PPP4C: variants seen among roughly 807,000 people sequenced by gnomAD.
The protein encoded by PPP4C is serine/threonine-protein phosphatase 4 catalytic subunit.
Under a neutral mutation model 40.5 loss-of-function variants are expected in PPP4C, and 10 were observed. That is an observed-to-expected ratio of 0.25 (90% CI 0.15 to 0.42). The LOEUF (loss-of-function observed/expected upper bound fraction) is 0.42, where lower values mean the gene tolerates loss of function less well. Ranked by LOEUF, PPP4C falls within the 10% of genes least tolerant of loss-of-function variation. The pLI, the probability that PPP4C is intolerant of heterozygous loss-of-function variation, is 1.00. For missense variants in PPP4C, 191 were observed against 416.4 expected, an observed-to-expected ratio of 0.46 and a Z score of 4.71; for synonymous variants, 187 against 163.6, an observed-to-expected ratio of 1.14 and a Z score of -1.09.
rs766913799 is a variant in PPP4C at position 30,084,924 on chromosome 16, G to A, written c.795-9G>A. ...GAGCTGCTCCTGACCCTGCTGCCCC[G>A]CCTTCCAGCTGTGGGAATGTGGCAG... On this transcript the variant is annotated splice_polypyrimidine_tract_variant and intron_variant, in intron 8 of 8. Transcript: ENST00000279387. The A allele has an allele frequency of 9.3e-6, 15 of 1,613,944 alleles. No individual in the cohort carries two copies. Among genetic ancestry groups the A allele is most frequent in the South Asian group, 3.3e-5 (3 of 91,088 alleles).
At chr16:30,082,697 G>A (rs192142202) in intron 4 of PPP4C, 49 bp from the exon 5 acceptor site, 2 of 1,564,724 alleles carry the variant, frequency 1.3e-6, no homozygotes, top group South Asian at 1.1e-5. Flanking sequence ...AAACAGGTAG[G>A]GGGTAGGGGA....
intron 2 of PPP4C, among the ~76,000 whole-genome samples, chr16:30,079,528 C>T (rs2072465102): frequency 6.6e-6 from 1 of 152,118 alleles, no homozygotes; most frequent in African/African-American, 2.4e-5. Context: ...CTGAAGAGAA[C>T]CTCCCCAGTC....
rs756785326 is a variant in PPP4C at position 30,083,325 on chromosome 16, G to A, written c.304-69G>A. 18 of 1,528,342 alleles carry A rather than the reference G, an allele frequency of 1.2e-5. No individual in the cohort carries two copies. Among genetic ancestry groups the A allele is most frequent in the South Asian group, 3.6e-5 (3 of 83,686 alleles). 94.7% of individuals were successfully genotyped at this position (1,528,342 alleles called of 1,614,324 possible). On this transcript the variant is annotated intron_variant, in intron 5 of 8. Transcript: ENST00000279387. This position sits in a 1 kb window ranked among gnomAD's most constrained non-coding sequence, Gnocchi z 6.3. ...GTGAGGATGGCAGGCTGGCGGGCAC[G>A]AGGAGGTCAGAGAGGGATGTGTGGA...
chr16:30,085,066 C>G lies in PPP4C; in HGVS notation c.*4C>G, dbSNP rs768422034. 2 of 1,613,314 alleles carry G rather than the reference C, an allele frequency of 1.2e-6. No individual in the cohort carries two copies. Among genetic ancestry groups the G allele is most frequent in the South Asian group, 2.2e-5 (2 of 91,008 alleles). ...CGTGGCCGACTACTTCCTGTGACCCCGCCCGGCCCCTGCCCCCTCCAACCC... is the reference window on the plus strand; with the variant it reads ...CGTGGCCGACTACTTCCTGTGACCCGGCCCGGCCCCTGCCCCCTCCAACCC... On this transcript the variant is annotated 3_prime_UTR_variant, in exon 9 of 9. Transcript: ENST00000279387.
intron 3 of PPP4C, 89 bp downstream of exon 3, chr16:30,081,399 C>T (rs1227510419): frequency 9.3e-7 from 1 of 1,079,600 alleles, no homozygotes; most frequent in Non-Finnish European, 1.4e-6. Context: ...TAAGCCCAAC[C>T]CTAAGCTCTT....
Position 30,083,006 on chromosome 16 carries a change from T to C in PPP4C, c.303+159T>C. The C allele has an allele frequency of 3.0e-6, 2 of 666,254 alleles. No homozygotes were observed. The highest frequency in any genetic ancestry group is 5.1e-6 in the Non-Finnish European group (2 of 394,276). 41.3% of individuals were successfully genotyped at this position (666,254 alleles called of 1,614,324 possible). The stretch of plus-strand genomic sequence containing the variant: ...CTTTTGGGGGTGGTCAGAGACTTGA[T>C]GGGGGTTGAGGCCAGCGGGGCAGCA... On this transcript the variant is annotated intron_variant, in intron 5 of 8. Coordinates refer to ENST00000279387, the MANE Select transcript of PPP4C (RefSeq NM_002720.3). This position sits in a 1 kb window ranked among gnomAD's most constrained non-coding sequence, Gnocchi z 6.3.
At position 30,082,758 on chromosome 16, in the gene PPP4C, G is replaced by A. The variant is rs968480181; in HGVS notation, c.214G>A (p.Val72Ile). Residue 72 changes from valine (V) to isoleucine (I), a missense_variant, in exon 5 of 9, where the codon GTC becomes ATC. By Grantham distance (29) the Val-to-Ile change is conservative (BLOSUM62 3). Coordinates refer to ENST00000279387, the MANE Select transcript of PPP4C (RefSeq NM_002720.3). ...LKELFRVGGD[V>I]PETNYLFMGD... ...TACTTCCCCACAGGTAGGTGGCGAC[G>A]TCCCTGAGACCAACTACCTCTTCAT... 4 of 1,613,872 alleles carry A rather than the reference G, an allele frequency of 2.5e-6. No homozygotes were observed. The highest frequency in any genetic ancestry group is 2.2e-5 in the East Asian group (1 of 44,882).
chr16:30,081,277 G>T lies in PPP4C; in HGVS notation c.117G>T (p.Glu39Asp), dbSNP rs776819959. 6.2e-7 allele frequency: 1 copy of T among 1,613,786 alleles called. No individual in the cohort carries two copies. The highest frequency in any genetic ancestry group is 8.5e-7 in the Non-Finnish European group (1 of 1,179,918). ...TCTCCAGAGAGATCTTGGTAGAGGA[G>T]AGCAACGTGCAGAGGGTGGACTCGC... The part of the protein sequence containing the change: ...CAKAREILVE[E>D]SNVQRVDSPV... The change falls in exon 3 of 9, where the codon GAG becomes GAT. Residue 39 changes from glutamate (E) to aspartate (D), a missense_variant. By Grantham distance (45) the Glu-to-Asp change is conservative. Transcript: ENST00000279387.
intron 2 of PPP4C, among the ~76,000 whole-genome samples, chr16:30,080,986 G>C (rs2072494983): frequency 6.6e-6 from 1 of 152,200 alleles, no homozygotes; most frequent in South Asian, 2.1e-4. Context: ...GGGAGCGGCA[G>C]GGGGAGTCAG....
intron 3 of PPP4C, 168 bp downstream of exon 3, chr16:30,081,478 C>A: frequency 1.7e-6 from 1 of 580,760 alleles, no homozygotes; most frequent in Non-Finnish European, 3.0e-6. Flanking sequence ...TGCACGTTGG[C>A]TCACACCTGT....
At chr16:30,080,906 G>C (rs1424460994) in intron 2 of PPP4C, among the ~76,000 whole-genome samples, 1 of 152,180 alleles carries the variant, frequency 6.6e-6, no homozygotes, top group Non-Finnish European at 1.5e-5. Context: ...TTGGCCAAGG[G>C]TGACTTAAGC....
intron 3 of PPP4C, chr16:30,081,762 C>G (rs28394461): frequency 6.6e-6 from 1 of 151,076 alleles, no homozygotes; most frequent in Non-Finnish European, 1.4e-5. Flanking sequence ...CAAAAAAAAA[C>G]AAAAAAAACA....
intron 2 of PPP4C, among the ~76,000 whole-genome samples, chr16:30,079,743 C>T (rs902915862): frequency 6.6e-6 from 1 of 152,188 alleles, no homozygotes; most frequent in Admixed American, 6.5e-5. Flanking sequence ...GTCCACTGAG[C>T]TCAGGAAACT....
intron 2 of PPP4C, among the ~76,000 whole-genome samples, chr16:30,080,344 CAAAAAAAAAAA>C (rs766436567): frequency 4.4e-5 from 2 of 45,344 alleles, no homozygotes; most frequent in East Asian, 4.9e-4. Context: ...GACTCTGTCT[CAAAAAAAAAAA>C]AAAAAAAAAA....
At chr16:30,082,586 C>T (rs1485290069) in intron 4 of PPP4C, 52 bp downstream of exon 4, 1 of 1,592,518 alleles carries the variant, frequency 6.3e-7, no homozygotes, top group Non-Finnish European at 8.6e-7. Flanking sequence ...ACTGGAAGAC[C>T]CCTGTAATTG....
intron 2 of PPP4C, among the ~76,000 whole-genome samples, chr16:30,077,676 C>T (rs2072427442): frequency 6.6e-6 from 1 of 152,224 alleles, no homozygotes; most frequent in African/African-American, 2.4e-5. Flanking sequence ...TTGGCCTTTA[C>T]AGGGCCACTA....
Position 30,083,103 on chromosome 16 carries a change from T to G in PPP4C, c.303+256T>G, listed in dbSNP as rs995071403. 29 of 589,414 alleles carry G rather than the reference T, an allele frequency of 4.9e-5. No homozygotes were observed. The East Asian group carries it at 7.4e-4, about 15-fold the overall frequency. 36.5% of individuals were successfully genotyped at this position (589,414 alleles called of 1,614,324 possible). Reference sequence around the variant, plus strand: ...GATGCCACTGGTGGGAGAGGCAGTGTGGGGCCAGATGACAAAGGGCCTGGG... The same window carrying G: ...GATGCCACTGGTGGGAGAGGCAGTGGGGGGCCAGATGACAAAGGGCCTGGG... On this transcript the variant is annotated intron_variant, in intron 5 of 8. Transcript: ENST00000279387. The surrounding 1 kb of genome is among the most constrained non-coding windows in gnomAD (Gnocchi z 6.3).
At position 30,082,742 on chromosome 16, in the gene PPP4C, A is replaced by T; in HGVS notation, c.202-4A>T. 1 of 1,613,024 alleles carries T rather than the reference A, an allele frequency of 6.2e-7. No individual in the cohort carries two copies. Among genetic ancestry groups the T allele is most frequent in the South Asian group, 1.1e-5 (1 of 90,982 alleles). ...ACAGGGCAAAACTTTCTACTTCCCCACAGGTAGGTGGCGACGTCCCTGAGA... is the reference window on the plus strand; with the variant it reads ...ACAGGGCAAAACTTTCTACTTCCCCTCAGGTAGGTGGCGACGTCCCTGAGA... On this transcript the variant is annotated splice_region_variant and splice_polypyrimidine_tract_variant and intron_variant, in intron 4 of 8. Transcript: ENST00000279387.
At position 30,083,091 on chromosome 16, in the gene PPP4C, G is replaced by A; in HGVS notation, c.303+244G>A. On this transcript the variant is annotated intron_variant, in intron 5 of 8. Transcript: ENST00000279387. The surrounding 1 kb of genome is among the most constrained non-coding windows in gnomAD (Gnocchi z 6.3). ...TGGCAGGTCATTGATGCCACTGGTG[G>A]GAGAGGCAGTGTGGGGCCAGATGAC... 1 of 592,684 alleles carries A rather than the reference G, an allele frequency of 1.7e-6. No individual in the cohort carries two copies. The highest frequency in any genetic ancestry group is 2.1e-5 in the South Asian group (1 of 48,742). 36.7% of individuals were successfully genotyped at this position (592,684 alleles called of 1,614,324 possible). A position where few individuals can be genotyped will look rare whatever the true frequency, so the allele number is the denominator to read the frequency against.
Sources: gnomAD v4.1 joint callset for allele counts (sites outside exome capture counted in the v4.1 genomes callset) on GRCh38, gnomAD v4.1.1 for gene constraint, Gnocchi (gnomAD v3.1) non-coding constraint, MANE v1.5 for transcripts, NCBI Gene and HGNC (gene_info 2026-07-23, HGNC 2026-07-21) for gene names.